The following CCR6 variants were observed in gnomAD, a reference collection of about 807,000 sequenced individuals.
CCR6 encodes the protein C-C chemokine receptor type 6.
A neutral mutation model predicts 3.0 loss-of-function variants in CCR6; 2 were observed. The observed-to-expected ratio is 0.66, with a 90% CI of 0.27 to 2.07. CCR6 has a LOEUF of 2.07. Among genes scored for constraint, CCR6 ranks in the 30% most tolerant of loss-of-function variants. The pLI, the probability that CCR6 is intolerant of heterozygous loss-of-function variation, is 0.14. For synonymous variants in CCR6, 193 were observed against 184.3 expected (o/e 1.05, Z -0.38); for missense variants, 322 against 462.8 (o/e 0.70, Z 2.79).
chr6:167,126,155 A>G (rs1781665414), intron 1 of CCR6: 1 of 152,178 alleles, frequency 6.6e-6, no homozygotes. Flanking sequence ...GTGCCTGTGA[A>G]TGGCCACTGC....
intron 1 of CCR6, among the ~76,000 whole-genome samples, chr6:167,131,812 C>T (rs1781771673): frequency 1.3e-5 from 2 of 152,154 alleles, no homozygotes; most frequent in Admixed American, 1.3e-4. Flanking sequence ...CGGAAGAGTA[C>T]GCAGGTACTT....
intron 1 of CCR6, among the ~76,000 whole-genome samples, chr6:167,130,992 C>CCCCTCCCTCCGGGAAT: frequency 8.5e-6 from 1 of 118,304 alleles, no homozygotes; most frequent in South Asian, 2.8e-4. Flanking sequence ...CCTCTGGACC[C>CCCCTCCCTCCGGGAAT]CCTCCCTTTG....
intron 1 of CCR6, among the ~76,000 whole-genome samples, chr6:167,134,621 C>T (rs16899874): frequency 3.7e-4 from 56 of 152,220 alleles, no homozygotes; most frequent in African/African-American, 1.3e-3. Flanking sequence ...CACGTGGACT[C>T]GTAAGTGAGG....
chr6:167,124,302 A>T (rs1410106305), intron 1 of CCR6, among the ~76,000 whole-genome samples: 1 of 151,712 alleles, frequency 6.6e-6, no homozygotes, highest in Non-Finnish European at 1.5e-5. Flanking sequence ...AGCTTAATAA[A>T]CAAATCACCG....
chr6:167,131,022 CCCCATCCCTCTGGA>C (rs1562559731), intron 1 of CCR6, among the ~76,000 whole-genome samples: 2 of 130,490 alleles, frequency 1.5e-5, no homozygotes, highest in East Asian at 4.6e-4. Context: ...CTTCTGGGAC[CCCCATCCCTCTGGA>C]CCCCTTCTCT....
intron 1 of CCR6, among the ~76,000 whole-genome samples, chr6:167,130,058 C>T (rs1468764384): frequency 6.6e-6 from 1 of 151,680 alleles, no homozygotes; most frequent in East Asian, 1.9e-4. Flanking sequence ...TATCTAAATT[C>T]CAAAGACAAG....
At chr6:167,112,126 C>T (rs1427075038) in intron 1 of CCR6, 1 of 152,062 alleles carries the variant, frequency 6.6e-6, no homozygotes, top group Admixed American at 6.5e-5. Flanking sequence ...GTTATCAAGT[C>T]ATGCATTGCG....
chr6:167,125,419 GC>G (rs1050502673), intron 1 of CCR6, among the ~76,000 whole-genome samples: 40 of 152,302 alleles, frequency 2.6e-4, no homozygotes, highest in Middle Eastern at 6.8e-3. Context: ...TTCTTGGGGA[GC>G]CCCCCACCCA....
At position 167,131,980 on chromosome 6, in the gene CCR6, A is replaced by G. The variant is rs182424790; in HGVS notation, c.-97-4058A>G. Among the ~76,000 whole-genome samples the G allele has an allele frequency of 2.9e-4, 44 of 152,180 alleles. 2 individuals carry two copies. The East Asian group carries it at 8.5e-3, about 29-fold the overall frequency. ...CCACAAAAGCCCCTTGTGTCGCCCAACCCCAGCCAATCCCTTCTTCCCGTC... is the reference window on the plus strand; with the variant it reads ...CCACAAAAGCCCCTTGTGTCGCCCAGCCCCAGCCAATCCCTTCTTCCCGTC... On this transcript the variant is annotated intron_variant, in intron 1 of 2. Coordinates refer to ENST00000341935, the MANE Select transcript of CCR6 (RefSeq NM_031409.4).
At chr6:167,115,190 C>T (rs1781474584) in intron 1 of CCR6, 1 of 152,266 alleles carries the variant, frequency 6.6e-6, no homozygotes, top group Non-Finnish European at 1.5e-5. Flanking sequence ...ATGGGGGTCT[C>T]ACTGGTCCAC....
Position 167,137,265 on chromosome 6 carries a change from C to T in CCR6, c.1035C>T (p.Gly345=), listed in dbSNP as rs772489102. Residue 345 remains glycine, a synonymous_variant, in exon 3 of 3, where the codon GGC becomes GGT. Transcript: ENST00000341935. The surrounding 1 kb of genome is among the most constrained non-coding windows in gnomAD (Gnocchi z 4.6). The stretch of plus-strand genomic sequence containing the variant: ...TGAGAAGGAAGTACAAGTCCTCAGG[C>T]TTCTCCTGTGCCGGGAGGTACTCAG... ...WCVRRKYKSS[G]FSCAGRYSEN... 1 of 1,614,142 alleles carries T rather than the reference C, an allele frequency of 6.2e-7. No individual in the cohort carries two copies. Among genetic ancestry groups the T allele is most frequent in the Admixed American group, 1.7e-5 (1 of 60,020 alleles).
At chr6:167,134,718 G>A (rs966811828) in intron 1 of CCR6, among the ~76,000 whole-genome samples, 7 of 152,308 alleles carry the variant, frequency 4.6e-5, no homozygotes, top group Admixed American at 2.6e-4. Context: ...AGCTGCTCCC[G>A]CTTGGCATGG....
At chr6:167,123,369 C>T (rs1213841160) in intron 1 of CCR6, 146 bp downstream of exon 1, 5 of 152,490 alleles carry the variant, frequency 3.3e-5, no homozygotes, top group Admixed American at 3.3e-4. Flanking sequence ...ACACAGACTT[C>T]CTTTCCTGAA....
rs568473331 is a variant in CCR6 at position 167,117,411 on chromosome 6, T to C, written c.-98+5397T>C. On this transcript the variant is annotated intron_variant, in intron 1 of 2. Transcript: ENST00000400926. ...TACCGGAACTCTATTTTCTTTTTTT[T>C]TTTCTTTTTTTTTTTTTTTTTTTGA... Among the ~76,000 whole-genome samples the C allele has an allele frequency of 2.0e-3, 265 of 133,324 alleles. 1 individual carries two copies. Among genetic ancestry groups the C allele is most frequent in the African/African-American group, 7.4e-3 (259 of 34,806 alleles). 87.5% of individuals were successfully genotyped at this position (133,324 alleles called of 152,430 possible).
chr6:167,113,549 A>C (rs1355678880), intron 1 of CCR6, among the ~76,000 whole-genome samples: 7 of 152,250 alleles, frequency 4.6e-5, no homozygotes, highest in Non-Finnish European at 1.0e-4. Context: ...GTGCTGCTGC[A>C]GATGAGAAAG....
intron 1 of CCR6, among the ~76,000 whole-genome samples, chr6:167,112,344 AG>A (rs1295191204): frequency 1.1e-4 from 16 of 152,060 alleles, no homozygotes; most frequent in Non-Finnish European, 1.2e-4. Flanking sequence ...ATGGCCATGG[AG>A]GGTTGGGAGG....
chr6:167,115,434 A>C (rs1781478593), intron 1 of CCR6: 1 of 152,216 alleles, frequency 6.6e-6, no homozygotes, highest in East Asian at 1.9e-4. Context: ...GAGCTATTTC[A>C]TTCATCATAA....
intron 1 of CCR6, among the ~76,000 whole-genome samples, chr6:167,133,932 GTATATATATATATATATATATATATA>G (rs6149918): frequency 2.7e-5 from 3 of 110,340 alleles, no homozygotes; most frequent in Non-Finnish European, 1.7e-5. Context: ...ATATATGTGT[GTATATATATATATATATATATATATA>G]TATATATATA....
At chr6:167,130,442 G>C (rs1781735664) in intron 1 of CCR6, among the ~76,000 whole-genome samples, 1 of 151,920 alleles carries the variant, frequency 6.6e-6, no homozygotes, top group Non-Finnish European at 1.5e-5. Context: ...AGGAGCTGGT[G>C]ACTGCTGCCT....
Sources: gnomAD v4.1 joint callset for allele counts (sites outside exome capture counted in the v4.1 genomes callset) on GRCh38, gnomAD v4.1.1 for gene constraint, Gnocchi (gnomAD v3.1) non-coding constraint, MANE v1.5 for transcripts, NCBI Gene and HGNC (gene_info 2026-07-23, HGNC 2026-07-21) for gene names.